XYLT1: variants seen among roughly 807,000 people sequenced by gnomAD.
The protein encoded by XYLT1 is beta-D-xylosyltransferase 1.
XYLT1 carries 36 observed loss-of-function variants against 91.3 expected under a neutral mutation model. The observed-to-expected ratio is 0.39, with a 90% CI of 0.30 to 0.52. XYLT1 has a LOEUF of 0.52. Among genes scored for constraint, XYLT1 ranks in the 20% least tolerant of loss-of-function variants. XYLT1 has a pLI of 0.68. For missense variants in XYLT1, 1,242 were observed against 1,284.5 expected (o/e 0.97, Z 0.51); for synonymous variants, 588 against 532.0 (o/e 1.11, Z -1.45).
intron 8 of XYLT1, among the ~76,000 whole-genome samples, chr16:17,135,693 T>C (rs193181093): frequency 6.4e-4 from 98 of 152,272 alleles, no homozygotes; most frequent in African/African-American, 2.3e-3. Context: ...AGCAAGTCAC[T>C]ATCAGAGATG....
chr16:17,422,599 T>C (rs964861188), intron 1 of XYLT1, among the ~76,000 whole-genome samples: 5 of 152,158 alleles, frequency 3.3e-5, no homozygotes, highest in Non-Finnish European at 7.4e-5. Context: ...AGCCTCCGCC[T>C]CCTGGGTTCA....
intron 2 of XYLT1, among the ~76,000 whole-genome samples, chr16:17,313,067 T>C (rs1297048895): frequency 1.3e-5 from 2 of 152,176 alleles, no homozygotes; most frequent in Non-Finnish European, 2.9e-5. Context: ...GGCTCCTGGA[T>C]AGTCTCTATC....
chr16:17,297,318 G>C (rs2034325955), intron 2 of XYLT1, among the ~76,000 whole-genome samples: 2 of 151,716 alleles, frequency 1.3e-5, no homozygotes, highest in Non-Finnish European at 2.9e-5. Context: ...TATAATCCCA[G>C]CACTCCAGGA....
intron 3 of XYLT1, among the ~76,000 whole-genome samples, chr16:17,247,185 A>G (rs1384811468): frequency 1.3e-5 from 2 of 152,138 alleles, no homozygotes; most frequent in Non-Finnish European, 2.9e-5. Flanking sequence ...TCATTCATTC[A>G]TTCAAGGGCC....
intron 2 of XYLT1, among the ~76,000 whole-genome samples, chr16:17,318,003 T>C (rs73531426): frequency 0.021 from 3,131 of 152,320 alleles, 93 homozygotes; most frequent in African/African-American, 0.068. Context: ...TTACCCGTCT[T>C]GTCACCCTGT....
chr16:17,442,518 T>C (rs2036543585), intron 1 of XYLT1, among the ~76,000 whole-genome samples: 1 of 152,164 alleles, frequency 6.6e-6, no homozygotes, highest in African/African-American at 2.4e-5. Flanking sequence ...ACACCACATA[T>C]TGCCCCACAT....
chr16:17,404,616 T>G (rs776761753), intron 1 of XYLT1, among the ~76,000 whole-genome samples: 6 of 152,144 alleles, frequency 3.9e-5, no homozygotes, highest in Admixed American at 2.0e-4. Context: ...CACCCACTCA[T>G]GCATGCAACA....
chr16:17,279,437 C>G (rs1290280432), intron 2 of XYLT1, among the ~76,000 whole-genome samples: 2 of 152,146 alleles, frequency 1.3e-5, no homozygotes, highest in Non-Finnish European at 2.9e-5. Context: ...TCCTTAAGGC[C>G]ACACAGATCA....
chr16:17,298,670 T>C (rs2034351202), intron 2 of XYLT1, among the ~76,000 whole-genome samples: 1 of 152,134 alleles, frequency 6.6e-6, no homozygotes, highest in Non-Finnish European at 1.5e-5. Flanking sequence ...GGGAAGGGGC[T>C]CCACTGAAGG....
intron 3 of XYLT1, among the ~76,000 whole-genome samples, chr16:17,207,801 G>T (rs1162965182): frequency 6.6e-6 from 1 of 152,042 alleles, no homozygotes; most frequent in Non-Finnish European, 1.5e-5. Context: ...TGAGAAGAGA[G>T]GGGTGGAGGG....
chr16:17,349,690 A>C (rs7200734), intron 2 of XYLT1, among the ~76,000 whole-genome samples: 86,670 of 147,330 alleles, frequency 0.59, 28,236 homozygotes, highest in African/African-American at 0.86. Context: ...ACTTCCCATA[A>C]GAGATAGTTG....
chr16:17,265,696 G>T (rs1397865605), intron 2 of XYLT1, among the ~76,000 whole-genome samples: 1 of 152,060 alleles, frequency 6.6e-6, no homozygotes, highest in Admixed American at 6.6e-5. Context: ...ATATGGCTCC[G>T]AGAAGCAGGT....
intron 2 of XYLT1, among the ~76,000 whole-genome samples, chr16:17,260,897 G>A (rs946108059): frequency 2.0e-5 from 3 of 152,180 alleles, no homozygotes; most frequent in African/African-American, 7.2e-5. Flanking sequence ...AGTTGCTTCT[G>A]TCCTCACCAT....
chr16:17,300,018 T>C (rs1044702567), intron 2 of XYLT1, among the ~76,000 whole-genome samples: 4 of 151,880 alleles, frequency 2.6e-5, no homozygotes, highest in East Asian at 1.9e-4. Context: ...GGTAGGGAAA[T>C]ACCAGATGAC....
chr16:17,434,959 C>T (rs1321775291), intron 1 of XYLT1, among the ~76,000 whole-genome samples: 1 of 152,158 alleles, frequency 6.6e-6, no homozygotes, highest in African/African-American at 2.4e-5. Flanking sequence ...AAGAAGAAAG[C>T]ATGCTTAGCT....
intron 1 of XYLT1, among the ~76,000 whole-genome samples, chr16:17,417,559 A>G (rs955744555): frequency 2.0e-5 from 3 of 152,178 alleles, no homozygotes; most frequent in Non-Finnish European, 4.4e-5. Context: ...AAGCTCTCTT[A>G]GCATCAAGAC....
intron 3 of XYLT1, among the ~76,000 whole-genome samples, chr16:17,225,173 A>ACTCTCTCTCTCT (rs761445257): frequency 1.1e-4 from 11 of 100,762 alleles, no homozygotes; most frequent in East Asian, 4.9e-4. Context: ...ACACACACAC[A>ACTCTCTCTCTCT]CACACTCTCT....
At chr16:17,139,193 G>GAGAGA (rs2030885610) in intron 7 of XYLT1, among the ~76,000 whole-genome samples, 1 of 152,222 alleles carries the variant, frequency 6.6e-6, no homozygotes, top group Non-Finnish European at 1.5e-5. Context: ...GCCAGAGAGT[G>GAGAGA]AGAGAAAGAT....
At chr16:17,136,134 T>C (rs543452709) in intron 8 of XYLT1, among the ~76,000 whole-genome samples, 13 of 152,312 alleles carry the variant, frequency 8.5e-5, no homozygotes, top group Admixed American at 5.2e-4. Context: ...AATGGACTTA[T>C]GTCATTACCT....
Sources: allele counts gnomAD v4.1 joint callset (sites outside exome capture counted in the v4.1 genomes callset), GRCh38; gene constraint gnomAD v4.1.1; transcripts MANE v1.5; gene names NCBI Gene and HGNC (gene_info 2026-07-23, HGNC 2026-07-21).